The following CNTNAP2 variants were observed in gnomAD, a reference collection of about 807,000 sequenced individuals.
CNTNAP2 encodes the protein contactin-associated protein-like 2.
In CNTNAP2, 98 loss-of-function variants were observed where a neutral mutation model predicts 155.2. The ratio of observed to expected loss-of-function variants is 0.63; its 90% CI spans 0.54 to 0.75. The LOEUF (loss-of-function observed/expected upper bound fraction) is 0.75. Ranked by LOEUF, CNTNAP2 falls within the 30% of genes least tolerant of loss-of-function variation. The pLI is 0.00. For missense variants in CNTNAP2, 1,727 were observed against 1,688.1 expected, an observed-to-expected ratio of 1.02 and a Z score of -0.40; for synonymous variants, 651 against 631.2, an observed-to-expected ratio of 1.03 and a Z score of -0.47.
At chr7:147,457,604 T>C (rs1318187862) in intron 10 of CNTNAP2, among the ~76,000 whole-genome samples, 4 of 152,120 alleles carry the variant, frequency 2.6e-5, no homozygotes, top group Non-Finnish European at 5.9e-5. Flanking sequence ...TGTTGCATTC[T>C]GAGAGCCTGA....
At chr7:148,387,685 T>C (rs1315752615) in intron 22 of CNTNAP2, among the ~76,000 whole-genome samples, 2 of 152,166 alleles carry the variant, frequency 1.3e-5, no homozygotes, top group African/African-American at 4.8e-5. Flanking sequence ...AGCTCTAATC[T>C]TGTATAGTGC....
At chr7:146,137,089 T>C (rs919654337) in intron 1 of CNTNAP2, among the ~76,000 whole-genome samples, 3 of 152,204 alleles carry the variant, frequency 2.0e-5, no homozygotes, top group African/African-American at 7.2e-5. Flanking sequence ...GTTATTCACC[T>C]GTGTTAGGTA....
In CNTNAP2 at chr7:146,116,848, T is replaced by C. The variant is rs780831072; in HGVS notation, c.-29T>C. Reference sequence around the variant, plus strand: ...CGGACTGCATCTCCGCAGCGAGCTCTTGGAGCGCCGCCGGCCGGGAGGCGA... The same window carrying C: ...CGGACTGCATCTCCGCAGCGAGCTCCTGGAGCGCCGCCGGCCGGGAGGCGA... On this transcript the variant is annotated 5_prime_UTR_variant, in exon 1 of 24. Transcript: ENST00000361727. The surrounding 1 kb of genome is among the most constrained non-coding windows in gnomAD (Gnocchi z 5.5). 1.3e-6 allele frequency: 2 copies of C among 1,530,296 alleles called. No homozygotes were observed. Among genetic ancestry groups the C allele is most frequent in the East Asian group, 2.5e-5 (1 of 40,588 alleles). 94.8% of individuals were successfully genotyped at this position (1,530,296 alleles called of 1,614,324 possible).
intron 12 of CNTNAP2, among the ~76,000 whole-genome samples, chr7:147,611,536 A>C (rs1299802635): frequency 6.6e-6 from 1 of 152,226 alleles, no homozygotes; most frequent in East Asian, 1.9e-4. Context: ...TCCTACAAAA[A>C]AAGACACATA....
chr7:147,130,149 T>G (rs567582250), intron 7 of CNTNAP2, among the ~76,000 whole-genome samples: 1 of 152,208 alleles, frequency 6.6e-6, no homozygotes, highest in South Asian at 2.1e-4. Context: ...TATAGTGGGT[T>G]GCTGCTGTAA....
At chr7:147,768,570 G>A (rs1797419447) in intron 13 of CNTNAP2, among the ~76,000 whole-genome samples, 1 of 151,978 alleles carries the variant, frequency 6.6e-6, no homozygotes, top group Non-Finnish European at 1.5e-5. Context: ...TATTTCTTAT[G>A]TTCCCACTGT....
At chr7:148,125,189 C>A (rs1324016328) in intron 16 of CNTNAP2, among the ~76,000 whole-genome samples, 4 of 152,048 alleles carry the variant, frequency 2.6e-5, no homozygotes, top group Non-Finnish European at 5.9e-5. Context: ...GAGGCACACA[C>A]CATCTAGTGG....
chr7:147,005,690 T>C (rs960142607), intron 3 of CNTNAP2, among the ~76,000 whole-genome samples: 8 of 152,062 alleles, frequency 5.3e-5, no homozygotes, highest in African/African-American at 1.9e-4. Context: ...CAGTGCCTTC[T>C]CCACTGAAAA....
intron 3 of CNTNAP2, among the ~76,000 whole-genome samples, chr7:146,856,301 C>G (rs372693886): frequency 0.03 from 2,627 of 88,518 alleles, 31 homozygotes; most frequent in African/African-American, 0.048. Context: ...TAGATAGATA[C>G]ATACATACAT....
At chr7:148,354,629 T>G (rs1238922134) in intron 21 of CNTNAP2, among the ~76,000 whole-genome samples, 1 of 150,946 alleles carries the variant, frequency 6.6e-6, no homozygotes, top group Non-Finnish European at 1.5e-5. Flanking sequence ...AAGCACTTCC[T>G]CTCTGTTTCT....
chr7:146,229,343 C>T (rs928955027), intron 1 of CNTNAP2, among the ~76,000 whole-genome samples: 1 of 152,138 alleles, frequency 6.6e-6, no homozygotes, highest in Non-Finnish European at 1.5e-5. Context: ...AAAATTTCTT[C>T]AAAGGTCTAA....
chr7:147,199,357 A>C (rs905894080), intron 8 of CNTNAP2, among the ~76,000 whole-genome samples: 10 of 152,190 alleles, frequency 6.6e-5, no homozygotes, highest in Admixed American at 6.5e-4. Context: ...ATAGTATTAA[A>C]ATTTCACAGC....
rs199909100 is a variant in CNTNAP2, at chr7:147,093,896, G to GA, written c.551-14243dup. ...AGAATAGACATTATCACTTTAAAAGGAAAAAAAATAGGAAAGAAGAAAAAG... is the reference window on the plus strand; with the variant it reads ...AGAATAGACATTATCACTTTAAAAGGAAAAAAAAATAGGAAAGAAGAAAAAG... On this transcript the variant is annotated intron_variant, in intron 4 of 23. Transcript: ENST00000361727. 2.2e-4 allele frequency among the ~76,000 whole-genome samples: 34 copies of GA among 151,602 alleles called. 1 individual carries two copies. The East Asian group carries it at 5.8e-3, about 26-fold the overall frequency.
intron 11 of CNTNAP2, among the ~76,000 whole-genome samples, chr7:147,497,791 G>C (rs1372012811): frequency 6.6e-6 from 1 of 152,126 alleles, no homozygotes; most frequent in East Asian, 1.9e-4. Context: ...ACCTGCATTG[G>C]GGCAGGCCAG....
At chr7:146,974,750 G>T (rs1797874415) in intron 3 of CNTNAP2, among the ~76,000 whole-genome samples, 1 of 152,152 alleles carries the variant, frequency 6.6e-6, no homozygotes, top group African/African-American at 2.4e-5. Context: ...TGTAATCCCA[G>T]CATTTTGGGA....
intron 13 of CNTNAP2, among the ~76,000 whole-genome samples, chr7:147,757,924 C>T (rs370448596): frequency 3.3e-5 from 5 of 152,174 alleles, no homozygotes; most frequent in South Asian, 4.2e-4. Flanking sequence ...GAAGTACATA[C>T]GTAGCACTTT....
intron 21 of CNTNAP2, among the ~76,000 whole-genome samples, chr7:148,287,088 C>G (rs1467289900): frequency 2.0e-5 from 3 of 152,188 alleles, no homozygotes; most frequent in African/African-American, 7.2e-5. Flanking sequence ...CTCCCCTCTG[C>G]TCCTTGCCCG....
At chr7:147,677,478 C>T (rs1795887704) in intron 13 of CNTNAP2, among the ~76,000 whole-genome samples, 1 of 151,774 alleles carries the variant, frequency 6.6e-6, no homozygotes. Context: ...TTTCTCTTTA[C>T]TCTGTTGATT....
At chr7:146,783,733 AAGTG>A (rs1208639860) in intron 2 of CNTNAP2, among the ~76,000 whole-genome samples, 1 of 152,210 alleles carries the variant, frequency 6.6e-6, no homozygotes, top group Non-Finnish European at 1.5e-5. Flanking sequence ...ATGCGTCCCA[AAGTG>A]CATGATGTTA....
Sources: gnomAD v4.1 joint callset for allele counts (sites outside exome capture counted in the v4.1 genomes callset) on GRCh38, gnomAD v4.1.1 for gene constraint, Gnocchi (gnomAD v3.1) non-coding constraint, MANE v1.5 for transcripts, NCBI Gene and HGNC (gene_info 2026-07-23, HGNC 2026-07-21) for gene names.